CLCN7: variants seen among roughly 807,000 people sequenced by gnomAD.
The protein encoded by CLCN7 is Cl-/H+ antiporter 7, also known as H(+)/Cl(-) exchange transporter 7.
In CLCN7, 60 loss-of-function variants were observed where a neutral mutation model predicts 102.1. That is an observed-to-expected ratio of 0.59 (90% CI 0.48 to 0.73). CLCN7 has a LOEUF of 0.73. Ranked by LOEUF, CLCN7 falls within the 30% of genes least tolerant of loss-of-function variation. The probability of loss-of-function intolerance (pLI) is 0.00; values close to 1 mark genes in which losing one functional copy is unlikely to be tolerated. For missense variants in CLCN7, 962 were observed against 1,125.7 expected, an observed-to-expected ratio of 0.85 and a Z score of 2.08; for synonymous variants, 560 against 490.5, an observed-to-expected ratio of 1.14 and a Z score of -1.87.
At chr16:1,472,186 T>C (rs2039087786) in intron 1 of CLCN7, among the ~76,000 whole-genome samples, 1 of 152,256 alleles carries the variant, frequency 6.6e-6, no homozygotes, top group Non-Finnish European at 1.5e-5. Flanking sequence ...GTATCCGCTG[T>C]TATTAAATGC....
At position 1,447,568 on chromosome 16, in the gene CLCN7, C is replaced by G; in HGVS notation, c.2074G>C (p.Val692Leu). Residue 692 changes from valine (V) to leucine (L), a missense_variant and splice_region_variant, in exon 23 of 25, where the codon GTG (valine) becomes CTG (leucine). Physicochemically the swap from Val to Leu is conservative, Grantham distance 32. Around this residue, in one of 2 missense-constraint regions of CLCN7, gnomAD observed 799 missense variants for 988.0 expected, o/e 0.81. Transcript: ENST00000382745. ...SQLIVLLKHK[V>L]FVERSNLGLV... The stretch of plus-strand genomic sequence containing the variant: ...CCCAGGTTGGACCGCTCCACAAACA[C>G]CTGCGGGCGGCAGAGCCCTGTGTCA... 1 of 1,554,878 alleles carries G rather than the reference C, an allele frequency of 6.4e-7. No homozygotes were observed. The highest frequency in any genetic ancestry group is 1.4e-5 in the African/African-American group (1 of 73,366).
rs1388905137 is a variant in CLCN7, at chr16:1,457,106, G to A, written c.822+148C>T. 1.5e-5 allele frequency: 11 copies of A among 752,710 alleles called. No homozygotes were observed. The highest frequency in any genetic ancestry group is 1.4e-4 in the Admixed American group (7 of 50,668). The allele number at this position is 752,710 out of a possible 1,614,324, so 46.6% of individuals were successfully genotyped here. A position where few individuals can be genotyped will look rare whatever the true frequency, so the allele number is the denominator to read the frequency against. On this transcript the variant is annotated intron_variant, in intron 9 of 24. Transcript: ENST00000382745. This position sits in a 1 kb window ranked among gnomAD's most constrained non-coding sequence, Gnocchi z 5.4. The stretch of plus-strand genomic sequence containing the variant: ...GCCTTGCCGGGCAGGGACTGTGCCC[G>A]CTGGCTCTGGGAGCCACCCGCCAGG...
chr16:1,455,400 G>T (rs2038819493), intron 11 of CLCN7, 150 bp from the exon 12 acceptor site: 3 of 734,878 alleles, frequency 4.1e-6, no homozygotes, highest in Non-Finnish European at 7.4e-6. Context: ...GCTGGAGCCA[G>T]GGGTGGGCGC....
At chr16:1,474,752 C>T in intron 1 of CLCN7, 82 bp downstream of exon 1, 2 of 1,142,424 alleles carry the variant, frequency 1.8e-6, no homozygotes, top group Non-Finnish European at 2.2e-6. Context: ...AGACACGCGG[C>T]GCCGCCAGAA....
chr16:1,458,866 C>G (rs919162013), intron 7 of CLCN7, among the ~76,000 whole-genome samples: 1 of 152,208 alleles, frequency 6.6e-6, no homozygotes, highest in Non-Finnish European at 1.5e-5. Context: ...ACATGCACCA[C>G]GCAAGCATTT....
At chr16:1,468,642 C>G (rs8053303) in intron 1 of CLCN7, among the ~76,000 whole-genome samples, 3 of 152,076 alleles carry the variant, frequency 2.0e-5, no homozygotes, top group Admixed American at 6.5e-5. Context: ...CCAACACTCC[C>G]GAGAGGCGAG....
At position 1,460,962 on chromosome 16, in the gene CLCN7, T is replaced by G. The variant is rs1278144140; in HGVS notation, c.352-14A>C. 17 of 1,611,716 alleles carry G rather than the reference T, an allele frequency of 1.1e-5. No individual in the cohort carries two copies. Among genetic ancestry groups the G allele is most frequent in the Non-Finnish European group, 1.4e-5 (16 of 1,179,768 alleles). ...CGTCCGGAAGGCCTGCAGGGCGCGG[T>G]CAGGGCGAGGGTCAGGCAGGGCCCT... On this transcript the variant is annotated splice_polypyrimidine_tract_variant and intron_variant, in intron 4 of 24. Transcript: ENST00000382745.
At position 1,452,910 on chromosome 16, in the gene CLCN7, G is replaced by A; in HGVS notation, c.1215-17C>T. The A allele has an allele frequency of 6.4e-7, 1 of 1,560,898 alleles. No homozygotes were observed. The highest frequency in any genetic ancestry group is 1.2e-5 in the South Asian group (1 of 85,172). ...TGGATGTACCTGGAACCAAGAATCA[G>A]GCTGCATGGCAGGCAGGACGGCAGC... is the stretch of plus-strand genomic sequence containing the variant. On this transcript the variant is annotated splice_polypyrimidine_tract_variant and intron_variant, in intron 14 of 24. Transcript: ENST00000382745.
chr16:1,465,312 G>A lies in CLCN7; in HGVS notation c.168C>T (p.Val56=), dbSNP rs774563508. 4.6e-5 allele frequency: 74 copies of A among 1,613,744 alleles called. No individual in the cohort carries two copies. The highest frequency in any genetic ancestry group is 1.1e-4 in the African/African-American group (8 of 74,934). ...CCAGCTCCACGCTGCTCATATGTCCGACTCGGAAAAGCGCAGAACGTGGTG... is the reference window on the plus strand; with the variant it reads ...CCAGCTCCACGCTGCTCATATGTCCAACTCGGAAAAGCGCAGAACGTGGTG... ...RQSPRSALFR[V]GHMSSVELDD... The change falls in exon 2 of 25, where the codon GTC becomes GTT. Residue 56 remains valine (V), a synonymous_variant. Coordinates refer to ENST00000382745, the MANE Select transcript of CLCN7 (RefSeq NM_001287.6).
At chr16:1,462,676 A>C (rs146467238) in intron 2 of CLCN7, among the ~76,000 whole-genome samples, 28 of 140,294 alleles carry the variant, frequency 2.0e-4, no homozygotes, top group Middle Eastern at 3.5e-3. Flanking sequence ...AAAAAAAAAA[A>C]AAAAAAAAAA....
intron 14 of CLCN7, among the ~76,000 whole-genome samples, chr16:1,453,103 G>C (rs2038779858): frequency 6.6e-6 from 1 of 152,162 alleles, no homozygotes; most frequent in Non-Finnish European, 1.5e-5. Flanking sequence ...CACCTCCCAG[G>C]TTCAAGCAAT....
At chr16:1,449,558 T>C in intron 17 of CLCN7, 1 of 599,558 alleles carries the variant, frequency 1.7e-6, no homozygotes. Context: ...GTGGCAGGCA[T>C]GGAGGATGCA....
At chr16:1,471,159 C>T (rs1404540244) in intron 1 of CLCN7, among the ~76,000 whole-genome samples, 1 of 152,162 alleles carries the variant, frequency 6.6e-6, no homozygotes. Flanking sequence ...AGGGCCTGGG[C>T]TTTCAGCGGG....
intron 1 of CLCN7, among the ~76,000 whole-genome samples, chr16:1,468,028 A>C (rs1036305766): frequency 2.6e-5 from 4 of 152,144 alleles, no homozygotes; most frequent in Non-Finnish European, 5.9e-5. Flanking sequence ...GGCTACAGTG[A>C]GCTATGGTTG....
intron 1 of CLCN7, among the ~76,000 whole-genome samples, chr16:1,469,283 T>C (rs143716709): frequency 1.3e-5 from 2 of 152,228 alleles, no homozygotes; most frequent in Non-Finnish European, 2.9e-5. Context: ...TTAAAACTTC[T>C]ACACATCAAA....
In CLCN7 at chr16:1,460,806, G is replaced by T. The variant is rs1328515938; in HGVS notation, c.484+10C>A. ...CTCCCAAGCTGCAGCGGCCGCACTGGGAAGGATACTGCCCTTGATGACCCT... is the reference window on the plus strand; with the variant it reads ...CTCCCAAGCTGCAGCGGCCGCACTGTGAAGGATACTGCCCTTGATGACCCT... On this transcript the variant is annotated intron_variant, in intron 5 of 24. Coordinates refer to ENST00000382745, the MANE Select transcript of CLCN7 (RefSeq NM_001287.6). The T allele has an allele frequency of 6.2e-7, 1 of 1,613,830 alleles. No individual in the cohort carries two copies. The highest frequency in any genetic ancestry group is 8.5e-7 in the Non-Finnish European group (1 of 1,179,964).
At chr16:1,468,389 C>G (rs2039033634) in intron 1 of CLCN7, among the ~76,000 whole-genome samples, 1 of 152,372 alleles carries the variant, frequency 6.6e-6, no homozygotes, top group East Asian at 1.9e-4. Flanking sequence ...GGCGCCTTGC[C>G]TTCCCAGCAT....
rs1216850364 is a variant in CLCN7 at position 1,449,814 on chromosome 16, CGCT to C, written c.1618-490_1618-488del. On this transcript the variant is annotated intron_variant, in intron 17 of 24. Transcript: ENST00000382745. Reference sequence around the variant, plus strand: ...ACTGCCTCGTGAACGTGAGAAACGCCGCTGAACTGCCCTCTTTAAAACGATGAG... The same window carrying C: ...ACTGCCTCGTGAACGTGAGAAACGCCGAACTGCCCTCTTTAAAACGATGAG... 2.8e-5 allele frequency: 6 copies of C among 216,814 alleles called. No individual in the cohort carries two copies. In the East Asian group the frequency reaches 6.7e-4, roughly 24 times the overall value. 13.4% of individuals were successfully genotyped at this position (216,814 alleles called of 1,614,324 possible). A position where few individuals can be genotyped will look rare whatever the true frequency, so the allele number is the denominator to read the frequency against.
rs190001863 is a variant in CLCN7, at chr16:1,458,900, G to A, written c.675+207C>T. Among the ~76,000 whole-genome samples, 132 of 152,290 alleles carry A rather than the reference G, an allele frequency of 8.7e-4. 1 individual carries two copies. The highest frequency in any genetic ancestry group is 2.9e-3 in the African/African-American group (120 of 41,548). ...TTCTGTATGACTACTCATTTCTTAC[G>A]TAATTTAATATGTGCAAATACCAGT... On this transcript the variant is annotated intron_variant, in intron 7 of 24. Transcript: ENST00000382745.
Sources: gnomAD v4.1 joint callset for allele counts (sites outside exome capture counted in the v4.1 genomes callset) on GRCh38, gnomAD v4.1.1 for gene constraint, gnomAD v4.1.1 regional missense constraint, Gnocchi (gnomAD v3.1) non-coding constraint, MANE v1.5 for transcripts, NCBI Gene and HGNC (gene_info 2026-07-23, HGNC 2026-07-21) for gene names.